The following MCFD2 variants were observed in gnomAD, a reference collection of about 807,000 sequenced individuals.
MCFD2 encodes the protein multiple coagulation factor deficiency protein 2.
Under a neutral mutation model 12.8 loss-of-function variants are expected in MCFD2, and 11 were observed. That is an observed-to-expected ratio of 0.86 (90% CI 0.54 to 1.42). The LOEUF is 1.42. Ranked by LOEUF, MCFD2 falls within the 40% of genes most tolerant of loss-of-function variation. The pLI is 0.00. For missense variants in MCFD2, 191 were observed against 178.6 expected (o/e 1.07, Z -0.40); for synonymous variants, 70 against 68.1 (o/e 1.03, Z -0.14).
At chr2:46,927,791 T>C (rs1467309651) in intron 1 of MCFD2, among the ~76,000 whole-genome samples, 1 of 150,748 alleles carries the variant, frequency 6.6e-6, no homozygotes, top group Non-Finnish European at 1.5e-5. Context: ...CCAGCTAAAA[T>C]ATCCTTCAAG....
intron 1 of MCFD2, among the ~76,000 whole-genome samples, chr2:46,927,881 G>A (rs1187504070): frequency 7.4e-6 from 1 of 135,290 alleles, no homozygotes; most frequent in Non-Finnish European, 1.6e-5. Context: ...GGGTTTTTTT[G>A]GTGTTTTTTT....
intron 1 of MCFD2, among the ~76,000 whole-genome samples, chr2:46,925,584 G>A (rs940177024): frequency 8.5e-5 from 13 of 152,068 alleles, no homozygotes; most frequent in Admixed American, 7.2e-4. Flanking sequence ...GTTGACACAT[G>A]CCTGGTCAGA....
intron 1 of MCFD2, 112 bp downstream of exon 1, chr2:46,915,611 C>G (rs990564159): frequency 2.3e-5 from 6 of 258,932 alleles, no homozygotes; most frequent in Non-Finnish European, 3.6e-5. Context: ...GGCCTGGGGG[C>G]CCAGCCCGCG....
chr2:46,940,478 G>A lies in MCFD2; in HGVS notation c.-8+1094C>T, dbSNP rs1255453650. Among the ~76,000 whole-genome samples, 1 of 152,178 alleles carries A rather than the reference G, an allele frequency of 6.6e-6. No homozygotes were observed. Among genetic ancestry groups the A allele is most frequent in the African/African-American group, 2.4e-5 (1 of 41,452 alleles). On this transcript the variant is annotated intron_variant, in intron 1 of 2. Transcript: ENST00000409147. The surrounding 1 kb of genome is among the most constrained non-coding windows in gnomAD (Gnocchi z 4.7). ...GCTAGGCCCCGCCCCGTAGTCCTGT[G>A]AACTTCTGGGCACCCCACAGCCCTG...
intron 1 of MCFD2, among the ~76,000 whole-genome samples, chr2:46,928,151 C>T (rs1227577872): frequency 6.6e-6 from 1 of 151,850 alleles, no homozygotes; most frequent in Non-Finnish European, 1.5e-5. Flanking sequence ...CTTAACCTCC[C>T]AAAGTGCCGG....
At chr2:46,913,138 T>C (rs1180064052) in intron 1 of MCFD2, among the ~76,000 whole-genome samples, 1 of 152,230 alleles carries the variant, frequency 6.6e-6, no homozygotes, top group Non-Finnish European at 1.5e-5. Context: ...CAAGAATCAC[T>C]GATTTTGAAC....
At chr2:46,938,936 G>GCTAA (rs1670112762) in intron 1 of MCFD2, among the ~76,000 whole-genome samples, 1 of 151,696 alleles carries the variant, frequency 6.6e-6, no homozygotes, top group Non-Finnish European at 1.5e-5. Context: ...GCTTGAACCT[G>GCTAA]GGAGGCGGAG....
rs983706168 is a variant in MCFD2, at chr2:46,940,661, C to G, written c.-8+911G>C. Among the ~76,000 whole-genome samples, 3 of 152,348 alleles carry G rather than the reference C, an allele frequency of 2.0e-5. No individual in the cohort carries two copies. The East Asian group carries it at 5.8e-4, about 29-fold the overall frequency. On this transcript the variant is annotated intron_variant, in intron 1 of 2. Coordinates refer to the MCFD2 transcript ENST00000409147. The surrounding 1 kb of genome is among the most constrained non-coding windows in gnomAD (Gnocchi z 4.7). ...GGACAGGTCAACGGGTTAGGGAAGT[C>G]AAGTTGGAAAGAGGAACTCCGCTAA...
At chr2:46,926,299 A>T (rs369486166) in intron 1 of MCFD2, among the ~76,000 whole-genome samples, 2 of 152,238 alleles carry the variant, frequency 1.3e-5, no homozygotes, top group Non-Finnish European at 2.9e-5. Context: ...GCCATTGCCC[A>T]GGTACTGTGC....
At chr2:46,926,160 C>A (rs1361333603) in intron 1 of MCFD2, among the ~76,000 whole-genome samples, 1 of 152,186 alleles carries the variant, frequency 6.6e-6, no homozygotes, top group Non-Finnish European at 1.5e-5. Context: ...GAATCTCCTC[C>A]CACACAGAGC....
At chr2:46,936,353 C>T (rs1669979293) in intron 1 of MCFD2, among the ~76,000 whole-genome samples, 1 of 137,916 alleles carries the variant, frequency 7.3e-6, no homozygotes, top group African/African-American at 2.7e-5. Context: ...CCTTAGCTGG[C>T]CCAGGGACAA....
Position 46,907,822 on chromosome 2 carries a change from A to G in MCFD2, c.297T>C (p.His99=), listed in dbSNP as rs1668307618. The G allele has an allele frequency of 6.2e-7, 1 of 1,614,200 alleles. No homozygotes were observed. Among genetic ancestry groups the G allele is most frequent in the Non-Finnish European group, 8.5e-7 (1 of 1,180,028 alleles). ...DGLELSTAIT[H]VHKEEGSEQA... ...CTGCCAGACCTACCTCCTTATGGAC[A>G]TGAGTGATGGCTGTGGAGAGTTCTA... The change falls in exon 3 of 4, where the codon CAT becomes CAC. Residue 99 remains histidine, a synonymous_variant. Transcript: ENST00000319466. This position sits in a 1 kb window ranked among gnomAD's most constrained non-coding sequence, Gnocchi z 4.1.
At chr2:46,936,013 C>T (rs1248631455) in intron 1 of MCFD2, among the ~76,000 whole-genome samples, 3 of 152,092 alleles carry the variant, frequency 2.0e-5, no homozygotes, top group Admixed American at 6.5e-5. Flanking sequence ...ATGGCTTGAG[C>T]CCAGGAGTTC....
rs1668300191 is a variant in MCFD2, at chr2:46,907,672, C to G, written c.309+138G>C. The G allele has an allele frequency of 1.5e-5, 14 of 949,078 alleles. 1 individual carries two copies. The South Asian group carries it at 1.8e-4, about 12-fold the overall frequency. The allele number at this position is 949,078 out of a possible 1,614,324, so 58.8% of individuals were successfully genotyped here. On this transcript the variant is annotated intron_variant, in intron 3 of 3. Coordinates refer to ENST00000319466, the MANE Select transcript of MCFD2 (RefSeq NM_139279.6). The surrounding 1 kb of genome is among the most constrained non-coding windows in gnomAD (Gnocchi z 4.1). ...TTGGCCTCCCAAAGTGCTGGGATTA[C>G]AGATGCGAGCCATCATGCCCAGTGG...
intron 1 of MCFD2, among the ~76,000 whole-genome samples, chr2:46,925,244 C>A (rs1669326465): frequency 6.6e-6 from 1 of 152,204 alleles, no homozygotes; most frequent in Admixed American, 6.5e-5. Flanking sequence ...GCATGCACCA[C>A]CACACCCACT....
In MCFD2 at chr2:46,902,449, C is replaced by G. The variant is rs886056107; in HGVS notation, c.*3014G>C. ...AACTGCAAATAAAAAACCCTAGAAACGAGTGAAATAGAAAAGAAAGCTAAA... is the reference window on the plus strand; with the variant it reads ...AACTGCAAATAAAAAACCCTAGAAAGGAGTGAAATAGAAAAGAAAGCTAAA... On this transcript the variant is annotated 3_prime_UTR_variant, in exon 4 of 4. Coordinates refer to ENST00000319466, the MANE Select transcript of MCFD2 (RefSeq NM_139279.6). 1 of 152,490 alleles carries G rather than the reference C, an allele frequency of 6.6e-6. No homozygotes were observed. Among genetic ancestry groups the G allele is most frequent in the Non-Finnish European group, 1.5e-5 (1 of 68,010 alleles). The allele number at this position is 152,490 out of a possible 1,614,324, so 9.4% of individuals were successfully genotyped here. A position where few individuals can be genotyped will look rare whatever the true frequency, so the allele number is the denominator to read the frequency against.
chr2:46,924,591 T>G (rs1007576979), intron 1 of MCFD2, among the ~76,000 whole-genome samples: 1 of 152,172 alleles, frequency 6.6e-6, no homozygotes, highest in Non-Finnish European at 1.5e-5. Flanking sequence ...CCATGTGATA[T>G]TCATAAGAGT....
chr2:46,920,016 C>T (rs966710508), upstream of MCFD2, among the ~76,000 whole-genome samples: 1 of 152,116 alleles, frequency 6.6e-6, no homozygotes, highest in East Asian at 1.9e-4. Context: ...TTGTGTTGTT[C>T]TGAATTCAGA....
At chr2:46,918,181 A>G (rs1195724418), upstream of MCFD2, among the ~76,000 whole-genome samples, 1 of 152,016 alleles carries the variant, frequency 6.6e-6, no homozygotes, top group Non-Finnish European at 1.5e-5. Flanking sequence ...TTCACCCCCA[A>G]ACCTGCACCT....
Sources: gnomAD v4.1 joint callset for allele counts (sites outside exome capture counted in the v4.1 genomes callset) on GRCh38, gnomAD v4.1.1 for gene constraint, Gnocchi (gnomAD v3.1) non-coding constraint, MANE v1.5 for transcripts, NCBI Gene and HGNC (gene_info 2026-07-23, HGNC 2026-07-21) for gene names.